Variants in GRIA1 observed in about 807,000 individuals in gnomAD.
The protein encoded by GRIA1 is glutamate receptor 1.
In GRIA1, 31 loss-of-function variants were observed where a neutral mutation model predicts 99.2. That is an observed-to-expected ratio of 0.31 (90% CI 0.23 to 0.42). GRIA1 has a LOEUF of 0.42. GRIA1 is among the 10% of genes least tolerant of loss of function. The pLI is 1.00. For missense variants in GRIA1, 782 were observed against 1,157.5 expected, an observed-to-expected ratio of 0.68 and a Z score of 4.71; for synonymous variants, 438 against 432.4, an observed-to-expected ratio of 1.01 and a Z score of -0.16.
At chr5:153,794,887 T>C (rs1765547635) in intron 14 of GRIA1, 152 bp downstream of exon 14, 3 of 615,340 alleles carry the variant, frequency 4.9e-6, no homozygotes, top group South Asian at 2.0e-5. Flanking sequence ...TGAGTAGAAG[T>C]AGCATCAAAC....
chr5:153,573,637 T>A (rs1439579176), intron 2 of GRIA1, among the ~76,000 whole-genome samples: 1 of 151,848 alleles, frequency 6.6e-6, no homozygotes, highest in East Asian at 1.9e-4. Context: ...TGGACGGGAG[T>A]TTTTATTCAT....
At chr5:153,666,966 A>T (rs901568281) in intron 5 of GRIA1, among the ~76,000 whole-genome samples, 1 of 152,134 alleles carries the variant, frequency 6.6e-6, no homozygotes, top group African/African-American at 2.4e-5. Flanking sequence ...TTGGTCTTCT[A>T]TACTTTTTTA....
At chr5:153,567,599 C>T (rs2149359312) in intron 2 of GRIA1, among the ~76,000 whole-genome samples, 1 of 3,102 alleles carries the variant, frequency 3.2e-4, no homozygotes, top group East Asian at 0.12. Context: ...ACAGACACTG[C>T]CAAATGTCAG....
intron 2 of GRIA1, among the ~76,000 whole-genome samples, chr5:153,600,437 G>C (rs1304913402): frequency 2.7e-5 from 1 of 36,964 alleles, no homozygotes; most frequent in East Asian, 7.9e-4. Flanking sequence ...TGTAAGGATA[G>C]GTTTCAATCA....
intron 11 of GRIA1, among the ~76,000 whole-genome samples, chr5:153,715,844 A>G (rs191811503): frequency 6.6e-6 from 1 of 152,312 alleles, no homozygotes; most frequent in African/African-American, 2.4e-5. Flanking sequence ...GTCCATCTTC[A>G]CAATAGCTAA....
chr5:153,667,108 T>A (rs1755804317), intron 5 of GRIA1, among the ~76,000 whole-genome samples: 1 of 152,242 alleles, frequency 6.6e-6, no homozygotes. Context: ...CTTGGCATGT[T>A]CAACCTGTGC....
intron 2 of GRIA1, among the ~76,000 whole-genome samples, chr5:153,531,339 C>T (rs1271322400): frequency 6.6e-6 from 1 of 152,150 alleles, no homozygotes; most frequent in Non-Finnish European, 1.5e-5. Context: ...GGGATCTTCT[C>T]TTTCAGCCCT....
chr5:153,800,597 C>T (rs960994290), intron 14 of GRIA1, among the ~76,000 whole-genome samples: 3 of 152,192 alleles, frequency 2.0e-5, no homozygotes, highest in African/African-American at 7.2e-5. Flanking sequence ...TATTCAAGAG[C>T]CATCTGCTTT....
At chr5:153,590,863 G>A (rs1234774814) in intron 2 of GRIA1, among the ~76,000 whole-genome samples, 1 of 152,150 alleles carries the variant, frequency 6.6e-6, no homozygotes, top group Non-Finnish European at 1.5e-5. Context: ...CTTGTTAGAA[G>A]AATACCACCT....
chr5:153,731,200 C>G (rs1450012876), intron 11 of GRIA1, among the ~76,000 whole-genome samples: 1 of 151,850 alleles, frequency 6.6e-6, no homozygotes, highest in Non-Finnish European at 1.5e-5. Flanking sequence ...TCTTCTTTCT[C>G]TCTCTCTCTT....
chr5:153,784,356 C>T (rs1353536084), intron 13 of GRIA1, among the ~76,000 whole-genome samples: 5 of 152,174 alleles, frequency 3.3e-5, no homozygotes, highest in African/African-American at 1.2e-4. Context: ...CTCTTTCCTC[C>T]ACCCAGCATG....
intron 14 of GRIA1, among the ~76,000 whole-genome samples, chr5:153,800,531 G>A (rs946414488): frequency 5.3e-5 from 8 of 152,198 alleles, no homozygotes; most frequent in Admixed American, 3.3e-4. Context: ...TGAGTCCTTT[G>A]AATAATCATT....
intron 13 of GRIA1, 149 bp downstream of exon 13, chr5:153,770,564 G>T: frequency 1.3e-6 from 1 of 765,904 alleles, no homozygotes; most frequent in Non-Finnish European, 2.1e-6. Flanking sequence ...AAAGATTCCA[G>T]CCACCCAAGA....
At chr5:153,654,762 T>G (rs376439118) in intron 4 of GRIA1, among the ~76,000 whole-genome samples, 109 of 152,276 alleles carry the variant, frequency 7.2e-4, no homozygotes, top group African/African-American at 2.6e-3. Context: ...GTTATATGTC[T>G]CCTTGCAACA....
At chr5:153,579,145 A>G (rs1404704005) in intron 2 of GRIA1, among the ~76,000 whole-genome samples, 1 of 151,348 alleles carries the variant, frequency 6.6e-6, no homozygotes, top group African/African-American at 2.4e-5. Context: ...CCATGCAAGT[A>G]TAAAGTATTA....
At chr5:153,778,562 A>T (rs1466073604) in intron 13 of GRIA1, among the ~76,000 whole-genome samples, 1 of 151,944 alleles carries the variant, frequency 6.6e-6, no homozygotes, top group Admixed American at 6.6e-5. Context: ...CCCATTAGGC[A>T]AGAATGCCCT....
At chr5:153,742,795 T>G (rs904215859) in intron 11 of GRIA1, among the ~76,000 whole-genome samples, 4 of 152,342 alleles carry the variant, frequency 2.6e-5, no homozygotes, top group African/African-American at 9.6e-5. Context: ...GCAACTCTTC[T>G]GCCTTCCTCT....
intron 2 of GRIA1, among the ~76,000 whole-genome samples, chr5:153,578,144 C>CCA (rs1762720970): frequency 1.9e-5 from 1 of 53,428 alleles, no homozygotes; most frequent in Non-Finnish European, 3.3e-5. Context: ...GAGAGAGACT[C>CCA]TGTCAAAAAA....
intron 2 of GRIA1, among the ~76,000 whole-genome samples, chr5:153,500,572 C>A (rs1224689184): frequency 1.2e-4 from 1 of 8,168 alleles, no homozygotes; most frequent in Non-Finnish European, 3.5e-4. Flanking sequence ...GCCTCTCTTT[C>A]TCTCTCTCTC....
Sources: allele counts gnomAD v4.1 joint callset (sites outside exome capture counted in the v4.1 genomes callset), GRCh38; gene constraint gnomAD v4.1.1; transcripts MANE v1.5; gene names NCBI Gene and HGNC (gene_info 2026-07-23, HGNC 2026-07-21).